The following ZBTB38 variants were observed in gnomAD, a reference collection of about 807,000 sequenced individuals.
The protein encoded by ZBTB38 is zinc finger and BTB domain-containing protein 38.
A neutral mutation model predicts 76.8 loss-of-function variants in ZBTB38; 20 were observed. That is an observed-to-expected ratio of 0.26 (90% CI 0.18 to 0.38). The LOEUF is 0.38. ZBTB38 is among the 10% of genes least tolerant of loss of function. The probability of loss-of-function intolerance (pLI) is 1.00; values close to 1 mark genes in which losing one functional copy is unlikely to be tolerated. For synonymous variants in ZBTB38, 504 were observed against 544.2 expected (o/e 0.93, Z 1.03); for missense variants, 1,082 against 1,482.3 (o/e 0.73, Z 4.43).
chr3:141,438,274 G>A (rs1394959218), intron 5 of ZBTB38: 2 of 148,202 alleles, frequency 1.3e-5, no homozygotes, highest in Non-Finnish European at 3.0e-5. Flanking sequence ...CCAGGCTGGA[G>A]TACAATGGCG....
chr3:141,380,682 A>G (rs541890889), intron 2 of ZBTB38, among the ~76,000 whole-genome samples: 1 of 152,202 alleles, frequency 6.6e-6, no homozygotes, highest in Non-Finnish European at 1.5e-5. Context: ...GGGCTTAGGT[A>G]GATAATTCAA....
rs2149918220 is a variant in ZBTB38 at position 141,413,370 on chromosome 3, C to A, written c.-1+9339C>A. On this transcript the variant is annotated intron_variant, in intron 5 of 5. Transcript: ENST00000321464. The surrounding 1 kb of genome is among the most constrained non-coding windows in gnomAD (Gnocchi z 4.1). ...CCCCTGATGTCTCTAAAGCTGAAAT[C>A]TGCTTCCTGGGTTTAGCCACCATTT... Among the ~76,000 whole-genome samples the A allele has an allele frequency of 6.6e-6, 1 of 152,292 alleles. No homozygotes were observed. The highest frequency in any genetic ancestry group is 2.4e-5 in the African/African-American group (1 of 41,550).
intron 1 of ZBTB38, among the ~76,000 whole-genome samples, chr3:141,337,492 AGT>A (rs1412667513): frequency 6.6e-6 from 1 of 152,266 alleles, no homozygotes; most frequent in East Asian, 1.9e-4. Context: ...AGAACAAAGC[AGT>A]GGCCTGACTT....
chr3:141,431,341 A>AAAAAAATATATATATATAT, intron 5 of ZBTB38, among the ~76,000 whole-genome samples: 2 of 103,296 alleles, frequency 1.9e-5, no homozygotes, highest in East Asian at 3.0e-4. Flanking sequence ...AAAAAAAAAA[A>AAAAAAATATATATATATAT]ATATATATAT....
intron 1 of ZBTB38, among the ~76,000 whole-genome samples, chr3:141,348,185 C>T (rs1166478060): frequency 1.3e-5 from 2 of 152,174 alleles, no homozygotes; most frequent in African/African-American, 2.4e-5. Flanking sequence ...CCATCTTGAG[C>T]TTCAAAGGAG....
intron 5 of ZBTB38, among the ~76,000 whole-genome samples, chr3:141,431,088 C>T (rs1035310268): frequency 6.6e-6 from 1 of 151,794 alleles, no homozygotes; most frequent in African/African-American, 2.4e-5. Flanking sequence ...TTTGGGAGGC[C>T]GAGGCAGGAG....
rs1300910497 is a variant in ZBTB38, at chr3:141,445,498, C to G, written c.3110C>G (p.Pro1037Arg). The G allele has an allele frequency of 6.2e-7, 1 of 1,614,180 alleles. No homozygotes were observed. The highest frequency in any genetic ancestry group is 8.5e-7 in the Non-Finnish European group (1 of 1,180,038). Residue 1037 changes from proline to arginine, a missense_variant, in exon 6 of 6, where the codon CCA (proline) becomes CGA (arginine). Coordinates refer to ENST00000321464, the MANE Select transcript of ZBTB38 (RefSeq NM_001376113.1). This position sits in a 1 kb window ranked among gnomAD's most constrained non-coding sequence, Gnocchi z 6.5. ...MHMRCHTGEK[P>R]YQCKTCGRCF... ...ATGAGATGTCACACCGGGGAGAAGC[C>G]ATACCAGTGCAAGACCTGCGGACGG...
At chr3:141,376,066 A>G (rs1945318737) in intron 2 of ZBTB38, among the ~76,000 whole-genome samples, 1 of 152,142 alleles carries the variant, frequency 6.6e-6, no homozygotes, top group Non-Finnish European at 1.5e-5. Flanking sequence ...TGCCTGCATA[A>G]CCCTGCTGAA....
chr3:141,445,515 T>C lies in ZBTB38; in HGVS notation c.3127T>C (p.Cys1043Arg). Residue 1043 changes from cysteine to arginine, a missense_variant, in exon 6 of 6, where the codon TGC (cysteine) becomes CGC (arginine). Physicochemically the swap from Cys to Arg is radical, Grantham distance 180. Coordinates refer to ENST00000321464, the MANE Select transcript of ZBTB38 (RefSeq NM_001376113.1). This position sits in a 1 kb window ranked among gnomAD's most constrained non-coding sequence, Gnocchi z 6.5. Reference protein sequence around the residue: ...TGEKPYQCKTCGRCFSVQGNL... With the variant: ...TGEKPYQCKTRGRCFSVQGNL... ...GGAGAAGCCATACCAGTGCAAGACCTGCGGACGGTGCTTTTCGGTGCAAGG... is the reference window on the plus strand; with the variant it reads ...GGAGAAGCCATACCAGTGCAAGACCCGCGGACGGTGCTTTTCGGTGCAAGG... 2 of 1,614,176 alleles carry C rather than the reference T, an allele frequency of 1.2e-6. No homozygotes were observed. The highest frequency in any genetic ancestry group is 8.5e-7 in the Non-Finnish European group (1 of 1,180,032).
chr3:141,359,218 C>A (rs183243326), intron 1 of ZBTB38, among the ~76,000 whole-genome samples: 2 of 152,344 alleles, frequency 1.3e-5, no homozygotes, highest in Admixed American at 6.5e-5. Flanking sequence ...CTCTGACCTT[C>A]CCCCTCATTG....
In ZBTB38 at chr3:141,445,953, G is replaced by A. The variant is rs76129297; in HGVS notation, c.3565G>A (p.Gly1189Ser). 7.7e-5 allele frequency: 123 copies of A among 1,587,230 alleles called. No individual in the cohort carries two copies. The African/African-American group carries it at 1.2e-3, about 15-fold the overall frequency. Residue 1189 changes from glycine (G) to serine (S), a missense_variant, in exon 6 of 6, where the codon GGT (glycine) becomes AGT (serine). Physicochemically the swap from Gly to Ser is moderately conservative, Grantham distance 56 (BLOSUM62 0). This residue lies in a region of ZBTB38 where 54 missense variants were observed against 57.9 expected (regional missense o/e 0.93). Transcript: ENST00000321464. The surrounding 1 kb of genome is among the most constrained non-coding windows in gnomAD (Gnocchi z 6.5). Reference protein sequence around the residue: ...DNDQKDNIQTGVENVVL With the variant: ...DNDQKDNIQTSVENVVL ...TGACCAAAAGGATAACATACAAACC[G>A]GTGTGGAAAATGTTGTCCTTTGAGT... is the stretch of plus-strand genomic sequence containing the variant.
intron 5 of ZBTB38, among the ~76,000 whole-genome samples, chr3:141,430,264 G>C (rs975820161): frequency 1.3e-5 from 2 of 151,864 alleles, no homozygotes; most frequent in Non-Finnish European, 2.9e-5. Context: ...ATGGGGTTTT[G>C]CCATGTTGGT....
chr3:141,374,767 G>T (rs1324270799), intron 2 of ZBTB38, among the ~76,000 whole-genome samples: 1 of 151,880 alleles, frequency 6.6e-6, no homozygotes, highest in Admixed American at 6.6e-5. Flanking sequence ...TATTTCCATT[G>T]CACTGATACA....
chr3:141,381,049 A>AT (rs1392620727), intron 2 of ZBTB38, among the ~76,000 whole-genome samples: 1 of 152,126 alleles, frequency 6.6e-6, no homozygotes, highest in Non-Finnish European at 1.5e-5. Context: ...TCCTTGCTGA[A>AT]TGTGTTTTGC....
chr3:141,444,911 G>A lies in ZBTB38; in HGVS notation c.2523G>A (p.Val841=). ...SNVAPLCQIT[V]KIGNEAIVKR... is the part of the protein sequence containing the mutation. ...TTGCACCCCTTTGCCAAATAACAGT[G>A]AAAATTGGAAACGAAGCCATTGTGA... The change falls in exon 6 of 6, where the codon GTG becomes GTA. Residue 841 remains valine (V), a synonymous_variant. Transcript: ENST00000321464. This position sits in a 1 kb window ranked among gnomAD's most constrained non-coding sequence, Gnocchi z 5.1. 1.2e-6 allele frequency: 2 copies of A among 1,614,154 alleles called. No homozygotes were observed. Among genetic ancestry groups the A allele is most frequent in the South Asian group, 2.2e-5 (2 of 91,070 alleles).
At chr3:141,371,050 T>C (rs1216426949) in intron 2 of ZBTB38, among the ~76,000 whole-genome samples, 58 of 117,630 alleles carry the variant, frequency 4.9e-4, no homozygotes, top group East Asian at 1.9e-3. Flanking sequence ...TCTTTCTTTT[T>C]TTTTTTTTTT....
At chr3:141,349,143 A>G (rs1943449110) in intron 1 of ZBTB38, among the ~76,000 whole-genome samples, 1 of 151,954 alleles carries the variant, frequency 6.6e-6, no homozygotes, top group African/African-American at 2.4e-5. Flanking sequence ...TTTCTCCCTC[A>G]CTCCACTAAA....
chr3:141,389,284 C>G (rs1197248290), intron 4 of ZBTB38: 1 of 152,078 alleles, frequency 6.6e-6, no homozygotes, highest in Non-Finnish European at 1.5e-5. Context: ...AGAATTGAAC[C>G]TCTCTAATGG....
At chr3:141,401,480 G>T (rs1260728785) in intron 4 of ZBTB38, among the ~76,000 whole-genome samples, 1 of 151,990 alleles carries the variant, frequency 6.6e-6, no homozygotes, top group East Asian at 1.9e-4. Flanking sequence ...TTTAATATTG[G>T]AATCTATTCA....
Sources: allele counts gnomAD v4.1 joint callset (sites outside exome capture counted in the v4.1 genomes callset), GRCh38; gene constraint gnomAD v4.1.1; regional missense constraint gnomAD v4.1.1; non-coding constraint Gnocchi (gnomAD v3.1); transcripts MANE v1.5; gene names NCBI Gene and HGNC (gene_info 2026-07-23, HGNC 2026-07-21).